TAC3: variants seen among roughly 807,000 people sequenced by gnomAD.
TAC3 encodes the protein tachykinin precursor 3, also known as tachykinin-3.
In TAC3, 9 loss-of-function variants were observed where a neutral mutation model predicts 16.5. That is an observed-to-expected ratio of 0.55 (90% CI 0.33 to 0.95). The LOEUF is 0.95. TAC3 is among the 40% of genes least tolerant of loss of function. The probability of loss-of-function intolerance (pLI) is 0.03; values close to 1 mark genes in which losing one functional copy is unlikely to be tolerated. For missense variants in TAC3, 129 were observed against 149.1 expected (o/e 0.87, Z 0.70); for synonymous variants, 52 against 56.7 (o/e 0.92, Z 0.37).
rs1956377322 is a variant in TAC3, at chr12:57,016,498, G to A, written c.-117C>T. The A allele has an allele frequency of 2.2e-6, 1 of 454,380 alleles. No homozygotes were observed. The highest frequency in any genetic ancestry group is 2.4e-5 in the Admixed American group (1 of 42,552). The allele number at this position is 454,380 out of a possible 1,614,324, so 28.1% of individuals were successfully genotyped here. The stretch of plus-strand genomic sequence containing the variant: ...GGTGCTGCCGGTGCTCCTGCAAAGA[G>A]AGAAACCGAGTGGAGGGGATCTAGG... On this transcript the variant is annotated 5_prime_UTR_variant, in exon 1 of 7. Coordinates refer to ENST00000458521, the MANE Select transcript of TAC3 (RefSeq NM_013251.4).
At chr12:57,013,876 C>A (rs577894368) in intron 2 of TAC3, among the ~76,000 whole-genome samples, 1 of 152,296 alleles carries the variant, frequency 6.6e-6, no homozygotes, top group African/African-American at 2.4e-5. Context: ...CTACACAGAG[C>A]CTGTTAGAAA....
At chr12:57,013,779 C>G in intron 2 of TAC3, 108 bp from the exon 3 acceptor site, 2 of 938,746 alleles carry the variant, frequency 2.1e-6, no homozygotes, top group South Asian at 2.8e-5. Context: ...ATCCGACACC[C>G]TATTTCTTTC....
At chr12:57,012,335 C>A in intron 6 of TAC3, 43 bp downstream of exon 6, 1 of 1,560,232 alleles carries the variant, frequency 6.4e-7, no homozygotes, top group Non-Finnish European at 8.8e-7. Flanking sequence ...CCCCACAGCC[C>A]CCTCCCCAGT....
chr12:57,015,806 G>C lies in TAC3; in HGVS notation c.-5-4C>G, dbSNP rs1956365208. 1.2e-6 allele frequency: 2 copies of C among 1,610,436 alleles called. No homozygotes were observed. The highest frequency in any genetic ancestry group is 8.5e-7 in the Non-Finnish European group (1 of 1,176,976). Reference sequence around the variant, plus strand: ...AGCAGCATGATCCTCATGGTGCCTGGGAGAGCAAAGGGACAGGACTCAGGT... The same window carrying C: ...AGCAGCATGATCCTCATGGTGCCTGCGAGAGCAAAGGGACAGGACTCAGGT... On this transcript the variant is annotated splice_polypyrimidine_tract_variant and splice_region_variant and intron_variant, in intron 1 of 6. Transcript: ENST00000458521.
intron 2 of TAC3, among the ~76,000 whole-genome samples, chr12:57,014,595 A>G (rs976339081): frequency 1.3e-5 from 2 of 152,194 alleles, no homozygotes; most frequent in African/African-American, 4.8e-5. Flanking sequence ...CTCATTGGCC[A>G]AGGTCTTGAA....
chr12:57,015,599 C>G (rs1005125981), intron 2 of TAC3, 85 bp downstream of exon 2: 2 of 1,242,204 alleles, frequency 1.6e-6, no homozygotes. Context: ...AACCCCCCCA[C>G]CCCAGTTTCC....
chr12:57,015,649 G>A (rs1459116204), intron 2 of TAC3, 35 bp downstream of exon 2: 11 of 1,586,634 alleles, frequency 6.9e-6, no homozygotes, highest in Middle Eastern at 2.0e-4. Context: ...CCAAGTTCCC[G>A]TGATGTCCCC....
At chr12:57,012,622 T>G (rs1254297174) in intron 5 of TAC3, 170 bp from the exon 6 acceptor site, 1 of 1,612,910 alleles carries the variant, frequency 6.2e-7, no homozygotes, top group Admixed American at 1.7e-5. Context: ...CAGGACTACC[T>G]TATAAAGGTC....
In TAC3 at chr12:57,012,372, C is replaced by T. The variant is rs757021810; in HGVS notation, c.*1+6G>A. The T allele has an allele frequency of 5.7e-6, 8 of 1,406,860 alleles. No individual in the cohort carries two copies. In the South Asian group the frequency reaches 8.0e-5, roughly 14 times the overall value. 87.1% of individuals were successfully genotyped at this position (1,406,860 alleles called of 1,614,324 possible). ...CCCTCTCCCCTCTCTAATGAACAAT[C>T]CTTACCCTATTCTGCTCTCGGGGGA... On this transcript the variant is annotated splice_donor_region_variant and intron_variant, in intron 6 of 6. Transcript: ENST00000458521.
intron 4 of TAC3, 85 bp from the exon 5 acceptor site, chr12:57,012,960 G>A: frequency 6.4e-7 from 1 of 1,556,440 alleles, no homozygotes; most frequent in Non-Finnish European, 8.9e-7. Context: ...TCTGAGACTG[G>A]GTTTCTGGTC....
At chr12:57,011,507 C>T (rs1353389890) in intron 6 of TAC3, among the ~76,000 whole-genome samples, 1 of 152,178 alleles carries the variant, frequency 6.6e-6, no homozygotes, top group African/African-American at 2.4e-5. Context: ...CTCTTACACT[C>T]GCATACCAAG....
chr12:57,013,545 C>T (rs1346192024), intron 3 of TAC3, 33 bp downstream of exon 3: 1 of 1,606,284 alleles, frequency 6.2e-7, no homozygotes, highest in Non-Finnish European at 8.5e-7. Flanking sequence ...AATCCTGCCC[C>T]TCATTCCCCT....
chr12:57,016,257 T>C, intron 1 of TAC3, 130 bp downstream of exon 1: 1 of 351,634 alleles, frequency 2.8e-6, no homozygotes, highest in South Asian at 2.2e-5. Context: ...GCCCTACAGG[T>C]GCTTTGTGCT....
chr12:57,014,220 C>T (rs944523349), intron 2 of TAC3, among the ~76,000 whole-genome samples: 14 of 151,994 alleles, frequency 9.2e-5, no homozygotes, highest in African/African-American at 3.4e-4. Flanking sequence ...TCTTGATTGT[C>T]CCTGTGATTT....
chr12:57,016,014 A>G (rs1268026213), intron 1 of TAC3, among the ~76,000 whole-genome samples: 2 of 152,184 alleles, frequency 1.3e-5, no homozygotes, highest in African/African-American at 4.8e-5. Context: ...CTGCTACCCC[A>G]TCAGATATCT....
intron 5 of TAC3, 174 bp from the exon 6 acceptor site, chr12:57,012,626 A>G (rs1233463182): frequency 1.2e-6 from 2 of 1,612,810 alleles, no homozygotes; most frequent in African/African-American, 1.3e-5. Context: ...ACTACCTTAT[A>G]AAGGTCTCTG....
chr12:57,014,405 G>A (rs1956345135), intron 2 of TAC3, among the ~76,000 whole-genome samples: 1 of 152,084 alleles, frequency 6.6e-6, no homozygotes, highest in African/African-American at 2.4e-5. Flanking sequence ...CGGCTGTTGT[G>A]CACACACAGA....
chr12:57,012,723 G>A (rs533437234), intron 5 of TAC3, 99 bp downstream of exon 5: 3 of 1,613,436 alleles, frequency 1.9e-6, no homozygotes, highest in Non-Finnish European at 2.5e-6. Context: ...GGTAAGAAAG[G>A]TCCTGTCTTT....
intron 6 of TAC3, among the ~76,000 whole-genome samples, chr12:57,011,185 G>C (rs910943141): frequency 3.3e-5 from 5 of 152,134 alleles, no homozygotes; most frequent in Non-Finnish European, 7.3e-5. Flanking sequence ...AACACTAAAT[G>C]GGGGGCCAGA....
Sources: gnomAD v4.1 joint callset for allele counts (sites outside exome capture counted in the v4.1 genomes callset) on GRCh38, gnomAD v4.1.1 for gene constraint, MANE v1.5 for transcripts, NCBI Gene and HGNC (gene_info 2026-07-23, HGNC 2026-07-21) for gene names.